ZNF280B: variants seen among roughly 807,000 people sequenced by gnomAD.
ZNF280B encodes the protein suppressor of hairy wing homolog 2.
Under a neutral mutation model 38.0 loss-of-function variants are expected in ZNF280B, and 16 were observed. The ratio of observed to expected loss-of-function variants is 0.42; its 90% CI spans 0.28 to 0.64. The LOEUF (loss-of-function observed/expected upper bound fraction) is 0.64, where lower values mean the gene tolerates loss of function less well. ZNF280B is among the 30% of genes least tolerant of loss of function. ZNF280B has a pLI of 0.21. For synonymous variants in ZNF280B, 253 were observed against 230.6 expected, an observed-to-expected ratio of 1.10 and a Z score of -0.88; for missense variants, 581 against 639.6, an observed-to-expected ratio of 0.91 and a Z score of 0.99.
chr22:22,496,997 T>C (rs1437142922), intron 2 of ZNF280B, among the ~76,000 whole-genome samples: 5 of 150,698 alleles, frequency 3.3e-5, no homozygotes, highest in Non-Finnish European at 4.4e-5. Context: ...TTTGTATTTT[T>C]AGTAGCGACG....
chr22:22,501,870 C>T (rs935519350), intron 2 of ZNF280B, among the ~76,000 whole-genome samples: 6 of 151,616 alleles, frequency 4.0e-5, no homozygotes, highest in African/African-American at 9.7e-5. Flanking sequence ...ATTAACCGGG[C>T]GTGGTAGAGT....
rs1285140637 is a variant in ZNF280B, at chr22:22,484,707, C to A, written c.*3060G>T. 2.0e-5 allele frequency: 3 copies of A among 152,234 alleles called. No homozygotes were observed. The highest frequency in any genetic ancestry group is 4.4e-5 in the Non-Finnish European group (3 of 68,004). The allele number at this position is 152,234 out of a possible 1,614,324, so 9.4% of individuals were successfully genotyped here. A position where few individuals can be genotyped will look rare whatever the true frequency, so the allele number is the denominator to read the frequency against. ...ATTTGGTTGCAGGCACAGAAATTGA[C>A]TCAAGCTAGCTCAATTCTAAGACAG... On this transcript the variant is annotated 3_prime_UTR_variant, in exon 4 of 4. Transcript: ENST00000626650.
intron 2 of ZNF280B, among the ~76,000 whole-genome samples, chr22:22,495,042 T>C (rs2061667149): frequency 6.6e-6 from 1 of 151,690 alleles, no homozygotes; most frequent in Non-Finnish European, 1.5e-5. Context: ...AAACCATTGT[T>C]ATAACCACAC....
intron 3 of ZNF280B, among the ~76,000 whole-genome samples, chr22:22,490,462 ATTTAT>A (rs529874278): frequency 4.2e-4 from 64 of 151,998 alleles, no homozygotes; most frequent in African/African-American, 1.4e-3. Context: ...CCTCCTTGCT[ATTTAT>A]TTTAATTTTT....
rs549457033 is a variant in ZNF280B, at chr22:22,498,764, A to T, written c.-186-4584T>A. ...CCAAAATCAAACCAAGAAATCATAT[A>T]AAAAAAAAGAAAACTACAGGCCAAT... is the stretch of plus-strand genomic sequence containing the variant. On this transcript the variant is annotated intron_variant, in intron 2 of 3. Transcript: ENST00000626650. Among the ~76,000 whole-genome samples the T allele has an allele frequency of 5.5e-3, 831 of 150,012 alleles. 10 individuals carry two copies. The highest frequency in any genetic ancestry group is 8.6e-3 in the Non-Finnish European group (581 of 67,490).
chr22:22,494,683 C>T (rs1335561366), intron 2 of ZNF280B, among the ~76,000 whole-genome samples: 1 of 151,910 alleles, frequency 6.6e-6, no homozygotes, highest in Admixed American at 6.6e-5. Flanking sequence ...TGGATGATAA[C>T]CCACCTTCCA....
At position 22,488,803 on chromosome 22, in the gene ZNF280B, G is replaced by C. The variant is rs1203041550; in HGVS notation, c.596C>G (p.Ser199Cys). The C allele has an allele frequency of 1.9e-6, 3 of 1,613,708 alleles. No individual in the cohort carries two copies. The highest frequency in any genetic ancestry group is 2.7e-5 in the African/African-American group (2 of 74,860). Residue 199 changes from serine to cysteine, a missense_variant, in exon 4 of 4, where the codon TCT becomes TGT. Coordinates refer to ENST00000626650, the MANE Select transcript of ZNF280B (RefSeq NM_080764.4). ...KLRDGIIEGNSSASFPSDTFH... is the reference protein window; with the variant it reads ...KLRDGIIEGNCSASFPSDTFH... ...GGTATCTGAAGGGAATGAAGCTGAA[G>C]AATTTCCTTCTATAATTCCATCCCT...
At chr22:22,501,654 G>A (rs549868632) in intron 2 of ZNF280B, among the ~76,000 whole-genome samples, 1 of 152,004 alleles carries the variant, frequency 6.6e-6, no homozygotes, top group African/African-American at 2.4e-5. Context: ...GAGATGGGAG[G>A]ATCGCTTGAG....
intron 2 of ZNF280B, among the ~76,000 whole-genome samples, chr22:22,503,318 A>G (rs1467406588): frequency 6.6e-6 from 1 of 151,976 alleles, no homozygotes; most frequent in Non-Finnish European, 1.5e-5. Flanking sequence ...TGGTTGTACA[A>G]TTTTGTAAGT....
At chr22:22,498,166 T>C (rs187080131) in intron 2 of ZNF280B, among the ~76,000 whole-genome samples, 353 of 152,048 alleles carry the variant, frequency 2.3e-3, no homozygotes, top group Non-Finnish European at 3.7e-3. Flanking sequence ...TCCATAGATA[T>C]TAAACAAAGA....
rs140445347 is a variant in ZNF280B, at chr22:22,488,865, G to A, written c.534C>T (p.Phe178=). ...TTTTGGGATTTATGCTGTTTACTTCGAAAGTGGAAAGTTGCTTTGATACAC... is the reference window on the plus strand; with the variant it reads ...TTTTGGGATTTATGCTGTTTACTTCAAAAGTGGAAAGTTGCTTTGATACAC... ...SPRVSKQLST[F]EVNSINPKRA... Residue 178 remains phenylalanine (F), a synonymous_variant, in exon 4 of 4, where the codon TTC becomes TTT. Coordinates refer to ENST00000626650, the MANE Select transcript of ZNF280B (RefSeq NM_080764.4). 2,639 of 1,613,636 alleles carry A rather than the reference G, an allele frequency of 1.6e-3. 6 individuals carry two copies. The highest frequency in any genetic ancestry group is 2.1e-3 in the Non-Finnish European group (2,452 of 1,179,956).
rs758000659 is a variant in ZNF280B at position 22,488,996 on chromosome 22, G to C, written c.403C>G (p.Pro135Ala). 3 of 1,613,786 alleles carry C rather than the reference G, an allele frequency of 1.9e-6. No individual in the cohort carries two copies. Among genetic ancestry groups the C allele is most frequent in the South Asian group, 1.1e-5 (1 of 91,052 alleles). The change falls in exon 4 of 4, where the codon CCT becomes GCT. Residue 135 changes from proline (P) to alanine (A), a missense_variant. By Grantham distance (27) the Pro-to-Ala change is conservative (BLOSUM62 -1). Coordinates refer to ENST00000626650, the MANE Select transcript of ZNF280B (RefSeq NM_080764.4). The stretch of plus-strand genomic sequence containing the variant: ...GAAGGTAATTCTGAAGAGTTATTAG[G>C]CACAACTTGTGGTGAACTATTTCTA... Reference protein sequence around the residue: ...DYRNSSPQVVPNNSSELPSPL... With the variant: ...DYRNSSPQVVANNSSELPSPL...
At chr22:22,492,411 T>C (rs944496157) in intron 3 of ZNF280B, among the ~76,000 whole-genome samples, 5 of 152,010 alleles carry the variant, frequency 3.3e-5, no homozygotes, top group Admixed American at 6.6e-5. Context: ...GCAGCATCTG[T>C]GATCTCTACC....
chr22:22,503,551 G>T (rs2061869922), intron 2 of ZNF280B, among the ~76,000 whole-genome samples: 1 of 151,938 alleles, frequency 6.6e-6, no homozygotes, highest in Non-Finnish European at 1.5e-5. Context: ...AATTAAGCTA[G>T]TATCAGGTGG....
rs1050493527 is a variant in ZNF280B, at chr22:22,486,462, A to G, written c.*1305T>C. 1.3e-5 allele frequency: 2 copies of G among 152,342 alleles called. No individual in the cohort carries two copies. The highest frequency in any genetic ancestry group is 2.9e-5 in the Non-Finnish European group (2 of 68,012). The allele number at this position is 152,342 out of a possible 1,614,324, so 9.4% of individuals were successfully genotyped here. A position where few individuals can be genotyped will look rare whatever the true frequency, so the allele number is the denominator to read the frequency against. Reference sequence around the variant, plus strand: ...GTCCAGTACAGTTCAAATTATAGATATTAGGGCTTCTTCCCCTTGGGAAAC... The same window carrying G: ...GTCCAGTACAGTTCAAATTATAGATGTTAGGGCTTCTTCCCCTTGGGAAAC... On this transcript the variant is annotated 3_prime_UTR_variant, in exon 4 of 4. Transcript: ENST00000626650.
intron 2 of ZNF280B, among the ~76,000 whole-genome samples, chr22:22,505,708 G>A (rs1318110796): frequency 2.0e-5 from 3 of 151,864 alleles, no homozygotes; most frequent in Admixed American, 6.6e-5. Context: ...GCAGTGAGCC[G>A]AGACTGCGCC....
rs58002237 is a variant in ZNF280B, at chr22:22,500,365, T to TTATA, written c.-186-6189_-186-6186dup. 4.4e-4 allele frequency among the ~76,000 whole-genome samples: 66 copies of TTATA among 149,758 alleles called. No individual in the cohort carries two copies. In the East Asian group the frequency reaches 9.6e-3, roughly 22 times the overall value. Reference sequence around the variant, plus strand: ...TACCCAAAAATGAATAAACAAAATATTATATATATATATATGCACACACAC... The same window carrying TTATA: ...TACCCAAAAATGAATAAACAAAATATTATATATATATATATATATGCACACACAC... On this transcript the variant is annotated intron_variant, in intron 2 of 3. Transcript: ENST00000626650.
Position 22,487,869 on chromosome 22 carries a change from AAG to A in ZNF280B, c.1528_1529del (p.Leu510SerfsTer16). The A allele has an allele frequency of 1.2e-6, 2 of 1,613,832 alleles. No individual in the cohort carries two copies. Among genetic ancestry groups the A allele is most frequent in the Non-Finnish European group, 1.7e-6 (2 of 1,179,932 alleles). On this transcript the variant is annotated frameshift_variant, in exon 4 of 4. Transcript: ENST00000626650. LOFTEE classifies it high-confidence loss of function. ...ATGCTACATCCACTGATCCTGGCTG[AAG>A]AGGTTCCAGCGACACTTGAATAGTA... Reference protein sequence around the residue: ...KVTIQVSLEPLQPGSVDVASI... With the variant: ...KVTIQVSLEPXQPGSVDVASI...
intron 2 of ZNF280B, among the ~76,000 whole-genome samples, chr22:22,501,019 CA>C (rs56907724): frequency 0.38 from 22,905 of 60,680 alleles, 1,810 homozygotes; most frequent in African/African-American, 0.46. Context: ...GACTCCGTCT[CA>C]AAAAAAAAAA....
Sources: gnomAD v4.1 joint callset for allele counts (sites outside exome capture counted in the v4.1 genomes callset) on GRCh38, gnomAD v4.1.1 for gene constraint, MANE v1.5 for transcripts, NCBI Gene and HGNC (gene_info 2026-07-23, HGNC 2026-07-21) for gene names.